The following ZCRB1 variants were observed in gnomAD, a reference collection of about 807,000 sequenced individuals.
ZCRB1 encodes the protein zinc finger CCHC-type and RNA-binding motif-containing protein 1.
ZCRB1 carries 21 observed loss-of-function variants against 29.9 expected under a neutral mutation model. The observed-to-expected ratio is 0.70, with a 90% confidence interval of 0.50 to 1.01. ZCRB1 has a LOEUF of 1.01. Among genes scored for constraint, ZCRB1 ranks in the 50% least tolerant of loss-of-function variants. The pLI is 0.00. For missense variants in ZCRB1, 204 were observed against 253.3 expected, an observed-to-expected ratio of 0.81 and a Z score of 1.32; for synonymous variants, 77 against 80.0, an observed-to-expected ratio of 0.96 and a Z score of 0.20.
chr12:42,313,585 T>G (rs1592101204), intron 7 of ZCRB1, 105 bp downstream of exon 7: 3 of 1,213,212 alleles, frequency 2.5e-6, no homozygotes, highest in African/African-American at 1.5e-5. Flanking sequence ...GCTTAGGAGG[T>G]TAGGGGGAAA....
At chr12:42,325,749 T>A (rs2068705804) in intron 1 of ZCRB1, 175 bp downstream of exon 1, 1 of 152,260 alleles carries the variant, frequency 6.6e-6, no homozygotes, top group Non-Finnish European at 1.5e-5. Flanking sequence ...CGTCGCTTTT[T>A]AAGTTTCTCA....
Position 42,312,278 on chromosome 12 carries a change from T to C in ZCRB1, c.*789A>G, listed in dbSNP as rs886117208. On this transcript the variant is annotated 3_prime_UTR_variant, in exon 8 of 8. Transcript: ENST00000266529. ...CTAATCCCATTACCATATACCCACCTGCAGACAGAATGGGAAGATTTAGTC... is the reference window on the plus strand; with the variant it reads ...CTAATCCCATTACCATATACCCACCCGCAGACAGAATGGGAAGATTTAGTC... 6.6e-6 allele frequency: 1 copy of C among 152,146 alleles called. No homozygotes were observed. The highest frequency in any genetic ancestry group is 2.1e-4 in the South Asian group (1 of 4,832). The allele number at this position is 152,146 out of a possible 1,614,324, so 9.4% of individuals were successfully genotyped here.
chr12:42,325,691 G>C (rs1329173541), intron 1 of ZCRB1: 1 of 152,202 alleles, frequency 6.6e-6, no homozygotes, highest in Non-Finnish European at 1.5e-5. Flanking sequence ...CTCATGTTTG[G>C]TGTTATGGGG....
chr12:42,320,598 C>T (rs2068616557), intron 3 of ZCRB1, among the ~76,000 whole-genome samples: 1 of 152,064 alleles, frequency 6.6e-6, no homozygotes, highest in Non-Finnish European at 1.5e-5. Context: ...CAGGTGTGTA[C>T]CACCAGGGCC....
chr12:42,317,265 T>C, intron 5 of ZCRB1, 75 bp downstream of exon 5: 5 of 1,049,126 alleles, frequency 4.8e-6, no homozygotes, highest in Non-Finnish European at 6.9e-6. Flanking sequence ...GAAGTTTTGG[T>C]GAGCAAAAAT....
chr12:42,314,430 A>G (rs1469670368), intron 5 of ZCRB1, among the ~76,000 whole-genome samples: 6 of 124,752 alleles, frequency 4.8e-5, no homozygotes, highest in African/African-American at 1.9e-4. Context: ...AAAAAAAAAA[A>G]ATTAGTTGGG....
intron 1 of ZCRB1, among the ~76,000 whole-genome samples, chr12:42,324,356 CAGGCTGGTCTTG>C (rs1304374414): frequency 6.6e-6 from 1 of 152,130 alleles, no homozygotes; most frequent in Non-Finnish European, 1.5e-5. Context: ...CCATGTTGGT[CAGGCTGGTCTTG>C]AACTCCTGAC....
At chr12:42,321,795 G>A (rs117964250) in intron 3 of ZCRB1, among the ~76,000 whole-genome samples, 4,193 of 152,208 alleles carry the variant, frequency 0.028, 72 homozygotes, top group South Asian at 0.053. Context: ...ACAGTATCCT[G>A]TTACTTTTTT....
In ZCRB1 at chr12:42,314,000, T is replaced by C. The variant is rs1222122583; in HGVS notation, c.334-14A>G. 6.3e-7 allele frequency: 1 copy of C among 1,575,742 alleles called. No individual in the cohort carries two copies. Among genetic ancestry groups the C allele is most frequent in the Non-Finnish European group, 8.5e-7 (1 of 1,171,168 alleles). ...GTGTCCACTTTCCTTTTGTTTCCCA[T>C]TAAAAAGGAAAGGAAAAATACCATA... is the stretch of plus-strand genomic sequence containing the variant. On this transcript the variant is annotated splice_polypyrimidine_tract_variant and intron_variant, in intron 5 of 7. Coordinates refer to ENST00000266529, the MANE Select transcript of ZCRB1 (RefSeq NM_033114.4).
intron 3 of ZCRB1, among the ~76,000 whole-genome samples, chr12:42,321,874 T>A (rs2068623297): frequency 6.6e-6 from 1 of 152,210 alleles, no homozygotes; most frequent in South Asian, 2.1e-4. Flanking sequence ...TTATTGTTCC[T>A]AACCCTCAGC....
chr12:42,324,171 G>T (rs1018642980), intron 1 of ZCRB1, 67 bp from the exon 2 acceptor site: 22 of 1,455,414 alleles, frequency 1.5e-5, no homozygotes, highest in Non-Finnish European at 2.1e-5. Context: ...TGTTTGAGAC[G>T]GAGTTTCCCT....
At chr12:42,314,943 C>A (rs891945730) in intron 5 of ZCRB1, among the ~76,000 whole-genome samples, 3 of 152,302 alleles carry the variant, frequency 2.0e-5, no homozygotes, top group Middle Eastern at 3.4e-3. Flanking sequence ...CAGAGCAAGA[C>A]CCTGTCTCAA....
At chr12:42,314,337 A>G (rs1264772645) in intron 5 of ZCRB1, among the ~76,000 whole-genome samples, 1 of 130,902 alleles carries the variant, frequency 7.6e-6, no homozygotes, top group Admixed American at 9.0e-5. Flanking sequence ...AGGTGGGTGG[A>G]TCACCTGAGG....
intron 3 of ZCRB1, among the ~76,000 whole-genome samples, chr12:42,321,302 T>A (rs897955550): frequency 1.3e-5 from 2 of 152,022 alleles, no homozygotes; most frequent in Non-Finnish European, 2.9e-5. Context: ...TAAAAGGGAG[T>A]GGGCTCTGAA....
intron 3 of ZCRB1, among the ~76,000 whole-genome samples, chr12:42,318,909 G>C (rs2068607931): frequency 6.6e-6 from 1 of 152,042 alleles, no homozygotes; most frequent in Non-Finnish European, 1.5e-5. Context: ...CCACAGAGAA[G>C]GTAGGAATTT....
chr12:42,318,116 A>T (rs2068603870), intron 3 of ZCRB1, among the ~76,000 whole-genome samples: 1 of 152,186 alleles, frequency 6.6e-6, no homozygotes, highest in Non-Finnish European at 1.5e-5. Flanking sequence ...TTAGGAGTTA[A>T]TCAGAGATTG....
At chr12:42,313,317 T>C (rs1354671707) in intron 7 of ZCRB1, 119 bp from the exon 8 acceptor site, 17 of 1,104,366 alleles carry the variant, frequency 1.5e-5, no homozygotes, top group African/African-American at 1.4e-4. Flanking sequence ...TCCCAGTCCA[T>C]GCAGACAATA....
In ZCRB1 at chr12:42,324,087, C is replaced by T. The variant is rs1467698798; in HGVS notation, c.16G>A (p.Ala6Thr). MSGGL[A>T]PSKSTVYVSN... is the part of the protein sequence containing the mutation. Reference sequence around the variant, plus strand: ...ACATACACTGTGCTCTTACTTGGAGCCAATCCACCACTCATTTCTAAAAGT... The same window carrying T: ...ACATACACTGTGCTCTTACTTGGAGTCAATCCACCACTCATTTCTAAAAGT... The change falls in exon 2 of 8, where the codon GCT becomes ACT. Residue 6 changes from alanine (A) to threonine (T), a missense_variant. Transcript: ENST00000266529. The T allele has an allele frequency of 2.5e-6, 4 of 1,614,056 alleles. No individual in the cohort carries two copies. Among genetic ancestry groups the T allele is most frequent in the Non-Finnish European group, 3.4e-6 (4 of 1,179,988 alleles).
At chr12:42,314,518 G>T (rs891311654) in intron 5 of ZCRB1, among the ~76,000 whole-genome samples, 8 of 150,520 alleles carry the variant, frequency 5.3e-5, no homozygotes, top group Middle Eastern at 3.5e-3. Flanking sequence ...GGAGGTGGAG[G>T]TTGCAGTGAG....
Sources: allele counts gnomAD v4.1 joint callset (sites outside exome capture counted in the v4.1 genomes callset), GRCh38; gene constraint gnomAD v4.1.1; transcripts MANE v1.5; gene names NCBI Gene and HGNC (gene_info 2026-07-23, HGNC 2026-07-21).